Variants in NAA25 observed in about 807,000 individuals in gnomAD.
The protein encoded by NAA25 is N-alpha-acetyltransferase 25, NatB auxiliary subunit.
A neutral mutation model predicts 132.5 loss-of-function variants in NAA25; 30 were observed. That is an observed-to-expected ratio of 0.23 (90% CI 0.17 to 0.31). The LOEUF (loss-of-function observed/expected upper bound fraction) is 0.31. Ranked by LOEUF, NAA25 falls within the 10% of genes least tolerant of loss-of-function variation. NAA25 has a pLI of 1.00. For synonymous variants in NAA25, 359 were observed against 401.9 expected, an observed-to-expected ratio of 0.89 and a Z score of 1.28; for missense variants, 771 against 1,150.4, an observed-to-expected ratio of 0.67 and a Z score of 4.77.
chr12:112,063,518 A>T (rs1421286392), intron 11 of NAA25, among the ~76,000 whole-genome samples: 3 of 152,204 alleles, frequency 2.0e-5, no homozygotes, highest in Admixed American at 6.5e-5. Flanking sequence ...CTATACTCCC[A>T]ACCATATCGG....
At chr12:112,072,859 C>A (rs1210585933) in intron 9 of NAA25, among the ~76,000 whole-genome samples, 1 of 151,730 alleles carries the variant, frequency 6.6e-6, no homozygotes, top group South Asian at 2.1e-4. Flanking sequence ...ATCACTTGAG[C>A]CTGAGAGGCA....
intron 9 of NAA25, among the ~76,000 whole-genome samples, chr12:112,072,849 A>T (rs2078834665): frequency 6.6e-6 from 1 of 151,990 alleles, no homozygotes; most frequent in African/African-American, 2.4e-5. Context: ...ATGTGGGATG[A>T]TCACTTGAGC....
chr12:112,105,181 G>A (rs185763974), intron 1 of NAA25, among the ~76,000 whole-genome samples: 70 of 151,402 alleles, frequency 4.6e-4, no homozygotes, highest in African/African-American at 1.6e-3. Context: ...TTAGCCAGGC[G>A]TGGTGGTGCC....
Position 112,049,740 on chromosome 12 carries a change from C to T in NAA25, c.1729-1297G>A, listed in dbSNP as rs1193697659. 1.6e-6 allele frequency: 1 copy of T among 625,044 alleles called. No individual in the cohort carries two copies. Among genetic ancestry groups the T allele is most frequent in the East Asian group, 1.4e-4 (1 of 7,162 alleles). The allele number at this position is 625,044 out of a possible 1,614,324, so 38.7% of individuals were successfully genotyped here. On this transcript the variant is annotated intron_variant, in intron 15 of 23. Coordinates refer to ENST00000261745, the MANE Select transcript of NAA25 (RefSeq NM_024953.4). This position sits in a 1 kb window ranked among gnomAD's most constrained non-coding sequence, Gnocchi z 4.7. The stretch of plus-strand genomic sequence containing the variant: ...AGCTTGATTAAAGGACAGTGATACA[C>T]CCTATCAAGAGGAGGCCAGGATACT...
At chr12:112,090,495 G>C (rs895767462) in intron 3 of NAA25, 2 of 392,212 alleles carry the variant, frequency 5.1e-6, no homozygotes, top group African/African-American at 4.2e-5. Flanking sequence ...CCTCCATTTA[G>C]CAGATCAAAA....
chr12:112,107,396 G>T lies in NAA25; in HGVS notation c.58+1320C>A, dbSNP rs181632684. ...TTCCTCATCTGTTTTTTTTTTTGTT[G>T]TTGTTGTTGTTAAAGGGTTCAGGGG... On this transcript the variant is annotated intron_variant, in intron 1 of 23. Coordinates refer to ENST00000261745, the MANE Select transcript of NAA25 (RefSeq NM_024953.4). Among the ~76,000 whole-genome samples the T allele has an allele frequency of 7.1e-3, 1,057 of 148,568 alleles. 12 individuals carry two copies. The highest frequency in any genetic ancestry group is 0.023 in the African/African-American group (921 of 40,098).
At chr12:112,079,092 A>C (rs1002382089) in intron 5 of NAA25, among the ~76,000 whole-genome samples, 3 of 152,180 alleles carry the variant, frequency 2.0e-5, no homozygotes, top group Non-Finnish European at 1.5e-5. Context: ...CCTTCCAGGT[A>C]TCTTTGAGAT....
At chr12:112,091,236 C>T (rs2079124651) in intron 2 of NAA25, among the ~76,000 whole-genome samples, 1 of 150,166 alleles carries the variant, frequency 6.7e-6, no homozygotes, top group Non-Finnish European at 1.5e-5. Context: ...AGAAGGAGAT[C>T]CTGTCTCGAA....
At chr12:112,045,444 G>A (rs372070036) in intron 17 of NAA25, among the ~76,000 whole-genome samples, 32 of 146,438 alleles carry the variant, frequency 2.2e-4, no homozygotes, top group East Asian at 1.8e-3. Context: ...CCGAGATTGC[G>A]CCACCGCACT....
At chr12:112,094,316 C>A (rs946020097) in intron 1 of NAA25, among the ~76,000 whole-genome samples, 6 of 150,592 alleles carry the variant, frequency 4.0e-5, no homozygotes, top group East Asian at 3.9e-4. Context: ...AATATAATCA[C>A]ACTATGTAGT....
intron 15 of NAA25, among the ~76,000 whole-genome samples, chr12:112,051,027 A>G (rs1214235441): frequency 1.3e-5 from 2 of 152,236 alleles, no homozygotes; most frequent in Admixed American, 1.3e-4. Context: ...TAAAAGATGC[A>G]TAGTATAGAG....
intron 4 of NAA25, among the ~76,000 whole-genome samples, chr12:112,086,718 A>T (rs2079062622): frequency 2.0e-5 from 3 of 152,142 alleles, no homozygotes. Context: ...TTTCTAAAAA[A>T]GTACTAGCTT....
intron 4 of NAA25, among the ~76,000 whole-genome samples, chr12:112,082,448 T>C (rs2078986322): frequency 6.6e-6 from 1 of 151,544 alleles, no homozygotes; most frequent in Non-Finnish European, 1.5e-5. Context: ...CAAGCACCTG[T>C]GGTCCCAGCT....
chr12:112,050,401 A>T (rs2078446379), intron 15 of NAA25, among the ~76,000 whole-genome samples: 1 of 152,214 alleles, frequency 6.6e-6, no homozygotes, highest in African/African-American at 2.4e-5. Flanking sequence ...TAGATCCCGA[A>T]TGGATTCCTG....
rs74897677 is a variant in NAA25 at position 112,041,158 on chromosome 12, A to G, written c.2441-580T>C. 6.5e-3 allele frequency among the ~76,000 whole-genome samples: 948 copies of G among 146,726 alleles called. 14 individuals carry two copies. The highest frequency in any genetic ancestry group is 0.042 in the East Asian group (207 of 4,982). On this transcript the variant is annotated intron_variant, in intron 20 of 23. Coordinates refer to ENST00000261745, the MANE Select transcript of NAA25 (RefSeq NM_024953.4). Reference sequence around the variant, plus strand: ...CAACAAGACCTCATTTCTTGGGGGGAAAAAAAAAATCATTTAGGGTCCTAA... The same window carrying G: ...CAACAAGACCTCATTTCTTGGGGGGGAAAAAAAAATCATTTAGGGTCCTAA...
chr12:112,089,138 T>C (rs1400360260), intron 3 of NAA25, among the ~76,000 whole-genome samples: 9 of 152,188 alleles, frequency 5.9e-5, no homozygotes, highest in African/African-American at 2.2e-4. Flanking sequence ...CAGTGCCTCG[T>C]GCCTATAATC....
At chr12:112,103,247 A>G (rs1257279884) in intron 1 of NAA25, among the ~76,000 whole-genome samples, 1 of 152,160 alleles carries the variant, frequency 6.6e-6, no homozygotes, top group African/African-American at 2.4e-5. Context: ...TCGGCCTCCC[A>G]AAGTGCTGGG....
chr12:112,091,206 A>G (rs1320194598), intron 2 of NAA25, among the ~76,000 whole-genome samples: 1 of 151,792 alleles, frequency 6.6e-6, no homozygotes, highest in Non-Finnish European at 1.5e-5. Context: ...ATCACGTCAC[A>G]GCACTCCAGC....
At chr12:112,100,614 CTTTTTTTTTTTTTT>C (rs71083200) in intron 1 of NAA25, among the ~76,000 whole-genome samples, 1 of 100,624 alleles carries the variant, frequency 9.9e-6, no homozygotes, top group Non-Finnish European at 1.9e-5. Context: ...ATTCCATTGT[CTTTTTTTTTTTTTT>C]TTTTTTTTTG....
Sources: allele counts gnomAD v4.1 joint callset (sites outside exome capture counted in the v4.1 genomes callset), GRCh38; gene constraint gnomAD v4.1.1; non-coding constraint Gnocchi (gnomAD v3.1); transcripts MANE v1.5; gene names NCBI Gene and HGNC (gene_info 2026-07-23, HGNC 2026-07-21).